The following FGF2 variants were observed in gnomAD, a reference collection of about 807,000 sequenced individuals.
The protein encoded by FGF2 is basic fibroblast growth factor bFGF.
In FGF2, 13 loss-of-function variants were observed where a neutral mutation model predicts 15.9. The observed-to-expected ratio is 0.82, with a 90% CI of 0.53 to 1.30. The LOEUF is 1.30. FGF2 is among the 50% of genes most tolerant of loss of function. The probability of loss-of-function intolerance (pLI) is 0.00; values close to 1 mark genes in which losing one functional copy is unlikely to be tolerated. For missense variants in FGF2, 163 were observed against 196.9 expected, an observed-to-expected ratio of 0.83 and a Z score of 1.03; for synonymous variants, 90 against 78.4, an observed-to-expected ratio of 1.15 and a Z score of -0.78.
intron 2 of FGF2, among the ~76,000 whole-genome samples, chr4:122,880,275 C>T (rs1726935149): frequency 7.3e-6 from 1 of 137,820 alleles, no homozygotes; most frequent in African/African-American, 2.8e-5. Context: ...GAGATGGAGT[C>T]TCGCTCTGTT....
intron 1 of FGF2, among the ~76,000 whole-genome samples, chr4:122,865,381 C>T (rs1726553289): frequency 6.6e-6 from 1 of 152,150 alleles, no homozygotes; most frequent in Admixed American, 6.5e-5. Context: ...ACCTCCGCCT[C>T]CCAGGCCCAA....
At chr4:122,840,071 G>A (rs1725946641) in intron 1 of FGF2, among the ~76,000 whole-genome samples, 1 of 152,056 alleles carries the variant, frequency 6.6e-6, no homozygotes, top group Non-Finnish European at 1.5e-5. Flanking sequence ...TTGGATGGGG[G>A]CTCACCCTGA....
At chr4:122,862,044 G>A (rs770748444) in intron 1 of FGF2, among the ~76,000 whole-genome samples, 1 of 152,036 alleles carries the variant, frequency 6.6e-6, no homozygotes, top group African/African-American at 2.4e-5. Context: ...TTAGTTATCC[G>A]TGTACCAGTC....
intron 1 of FGF2, among the ~76,000 whole-genome samples, chr4:122,855,561 GCCT>G (rs1252752708): frequency 1.3e-5 from 2 of 152,182 alleles, no homozygotes; most frequent in African/African-American, 2.4e-5. Context: ...GTCTGCTGCT[GCCT>G]CCTCAGACAA....
At chr4:122,862,584 A>G (rs1481811511) in intron 1 of FGF2, among the ~76,000 whole-genome samples, 1 of 152,200 alleles carries the variant, frequency 6.6e-6, no homozygotes, top group African/African-American at 2.4e-5. Context: ...ACATATCTAA[A>G]TCATTTTAGA....
chr4:122,871,248 C>T (rs1036242838), intron 1 of FGF2, among the ~76,000 whole-genome samples: 5 of 152,000 alleles, frequency 3.3e-5, no homozygotes, highest in South Asian at 4.2e-4. Context: ...AATACGTGGT[C>T]GGTTTTAGAA....
chr4:122,874,851 T>A (rs1726807242), intron 1 of FGF2, among the ~76,000 whole-genome samples: 1 of 152,140 alleles, frequency 6.6e-6, no homozygotes, highest in Admixed American at 6.5e-5. Flanking sequence ...GAAATTATAT[T>A]TATTTTATAT....
intron 1 of FGF2, among the ~76,000 whole-genome samples, chr4:122,836,715 A>G (rs1725874076): frequency 6.6e-6 from 1 of 152,206 alleles, no homozygotes; most frequent in African/African-American, 2.4e-5. Flanking sequence ...ATGGGCAACA[A>G]CTTCAAATAA....
At chr4:122,892,125 G>A in intron 2 of FGF2, 86 bp from the exon 3 acceptor site, 1 of 1,159,752 alleles carries the variant, frequency 8.6e-7, no homozygotes, top group Non-Finnish European at 1.3e-6. Context: ...AGCAGAATAG[G>A]CATTATACTA....
At chr4:122,848,459 ATG>A (rs1206866113) in intron 1 of FGF2, among the ~76,000 whole-genome samples, 7 of 152,282 alleles carry the variant, frequency 4.6e-5, no homozygotes, top group Admixed American at 2.0e-4. Flanking sequence ...TGATGTGGAG[ATG>A]TTGTGGGCTG....
intron 2 of FGF2, among the ~76,000 whole-genome samples, chr4:122,878,453 A>C (rs1199557322): frequency 1.3e-5 from 2 of 152,160 alleles, no homozygotes; most frequent in East Asian, 3.9e-4. Context: ...GTAATTAACT[A>C]ATGCTGGAAT....
At chr4:122,829,377 T>C (rs773959415) in intron 1 of FGF2, among the ~76,000 whole-genome samples, 2 of 152,182 alleles carry the variant, frequency 1.3e-5, no homozygotes, top group Non-Finnish European at 2.9e-5. Context: ...AGGCCGGGGA[T>C]GCTGCTGAAC....
chr4:122,870,235 C>T (rs1005705510), intron 1 of FGF2, among the ~76,000 whole-genome samples: 138 of 152,228 alleles, frequency 9.1e-4, no homozygotes, highest in African/African-American at 2.8e-3. Flanking sequence ...TTCTGTTTGC[C>T]GGCATTTTAT....
At chr4:122,832,808 G>A (rs1457898537) in intron 1 of FGF2, among the ~76,000 whole-genome samples, 1 of 152,166 alleles carries the variant, frequency 6.6e-6, no homozygotes, top group Non-Finnish European at 1.5e-5. Context: ...TTTCCTTGTT[G>A]TATCCACTGT....
intron 1 of FGF2, among the ~76,000 whole-genome samples, chr4:122,839,449 T>TA (rs1387440327): frequency 1.3e-5 from 2 of 152,158 alleles, no homozygotes; most frequent in African/African-American, 4.8e-5. Context: ...CATTAATCAA[T>TA]AATTTTCTGA....
At chr4:122,860,160 A>G (rs1411172652) in intron 1 of FGF2, among the ~76,000 whole-genome samples, 1 of 152,200 alleles carries the variant, frequency 6.6e-6, no homozygotes, top group African/African-American at 2.4e-5. Flanking sequence ...GATTTTCAAT[A>G]AAGTTTTAAA....
intron 1 of FGF2, among the ~76,000 whole-genome samples, chr4:122,866,735 T>C (rs2150779193): frequency 6.6e-6 from 1 of 152,278 alleles, no homozygotes; most frequent in South Asian, 2.1e-4. Flanking sequence ...TCATATATTG[T>C]GATGAGAATG....
At chr4:122,844,158 A>C (rs542403826) in intron 1 of FGF2, among the ~76,000 whole-genome samples, 1 of 152,274 alleles carries the variant, frequency 6.6e-6, no homozygotes, top group East Asian at 1.9e-4. Flanking sequence ...TAATATTCTA[A>C]ATCCTTTGTG....
rs992780525 is a variant in FGF2 at position 122,891,035 on chromosome 4, T to G, written c.283-1176T>G. Among the ~76,000 whole-genome samples the G allele has an allele frequency of 4.1e-5, 5 of 122,010 alleles. 1 individual carries two copies. Among genetic ancestry groups the G allele is most frequent in the Admixed American group, 1.6e-4 (2 of 12,358 alleles). 80.0% of individuals were successfully genotyped at this position (122,010 alleles called of 152,430 possible). ...GAACAATTTATCTTTTTTTTTTTTT[T>G]GTTTTGTTTTGTTTTGTTTTTTTGA... On this transcript the variant is annotated intron_variant, in intron 2 of 2. Transcript: ENST00000644866.
Sources: gnomAD v4.1 joint callset for allele counts (sites outside exome capture counted in the v4.1 genomes callset) on GRCh38, gnomAD v4.1.1 for gene constraint, MANE v1.5 for transcripts, NCBI Gene and HGNC (gene_info 2026-07-23, HGNC 2026-07-21) for gene names.